The following TSNAX variants were observed in gnomAD, a reference collection of about 807,000 sequenced individuals.
The protein encoded by TSNAX is translin-associated protein X.
A neutral mutation model predicts 33.0 loss-of-function variants in TSNAX; 12 were observed. That is an observed-to-expected ratio of 0.36 (90% CI 0.23 to 0.59). The LOEUF (loss-of-function observed/expected upper bound fraction) is 0.59, where lower values mean the gene tolerates loss of function less well. TSNAX is among the 20% of genes least tolerant of loss of function. The probability of loss-of-function intolerance (pLI) is 0.74; values close to 1 mark genes in which losing one functional copy is unlikely to be tolerated. For synonymous variants in TSNAX, 110 were observed against 117.2 expected, an observed-to-expected ratio of 0.94 and a Z score of 0.40; for missense variants, 267 against 341.3, an observed-to-expected ratio of 0.78 and a Z score of 1.72.
chr1:231,560,179 C>T (rs971678909), intron 4 of TSNAX, among the ~76,000 whole-genome samples: 8 of 151,408 alleles, frequency 5.3e-5, no homozygotes, highest in Non-Finnish European at 1.2e-4. Context: ...TGTGGTTTCA[C>T]CATGTTAGCC....
rs138608882 is a variant in TSNAX at position 231,551,554 on chromosome 1, T to C, written c.367+8943T>C. 9.3e-3 allele frequency among the ~76,000 whole-genome samples: 1,421 copies of C among 152,262 alleles called. 29 individuals carry two copies. The highest frequency in any genetic ancestry group is 0.032 in the African/African-American group (1,321 of 41,566). On this transcript the variant is annotated intron_variant, in intron 4 of 5. Coordinates refer to ENST00000366639, the MANE Select transcript of TSNAX (RefSeq NM_005999.3). ...TTAACAAATGTTCATTCCTGACCTT[T>C]CTTGAATTTAGCAAAATTAATCTAT...
chr1:231,538,564 T>C (rs548908898), intron 3 of TSNAX, among the ~76,000 whole-genome samples: 1 of 152,376 alleles, frequency 6.6e-6, no homozygotes, highest in African/African-American at 2.4e-5. Flanking sequence ...TTACGTGTTT[T>C]AGTCCAGCTT....
intron 4 of TSNAX, among the ~76,000 whole-genome samples, chr1:231,554,921 G>A (rs184575309): frequency 1.1e-3 from 162 of 152,284 alleles, no homozygotes; most frequent in Non-Finnish European, 2.0e-3. Flanking sequence ...ATTAAGGATA[G>A]TAATAGTCAC....
rs199648509 is a variant in TSNAX, at chr1:231,549,583, G to A, written c.367+6972G>A. Among the ~76,000 whole-genome samples the A allele has an allele frequency of 9.2e-5, 14 of 152,340 alleles. No individual in the cohort carries two copies. In the South Asian group the frequency reaches 2.7e-3, roughly 29 times the overall value. On this transcript the variant is annotated intron_variant, in intron 4 of 5. Coordinates refer to ENST00000366639, the MANE Select transcript of TSNAX (RefSeq NM_005999.3). ...GCAATAGGAATGAATGAGGCAGAAA[G>A]TTAGATTAATTCATGGTTTGGGTCG...
chr1:231,542,614 A>G lies in TSNAX; in HGVS notation c.367+3A>G. ...GTTCCATCGAGCCATTACTACAGGT[A>G]AGTCTAGGTTTGTTTCAGGGTAATA... On this transcript the variant is annotated splice_donor_region_variant and intron_variant, in intron 4 of 5. Coordinates refer to ENST00000366639, the MANE Select transcript of TSNAX (RefSeq NM_005999.3). The G allele has an allele frequency of 6.2e-7, 1 of 1,613,398 alleles. No individual in the cohort carries two copies. Among genetic ancestry groups the G allele is most frequent in the Non-Finnish European group, 8.5e-7 (1 of 1,179,670 alleles).
rs953853092 is a variant in TSNAX at position 231,559,621 on chromosome 1, G to A, written c.368-1507G>A. ...GGGATTACAGGTGTGAGCCACCGGC[G>A]CCCGGCCAGAAAGTAGTTGTTTTAA... On this transcript the variant is annotated intron_variant, in intron 4 of 5. Transcript: ENST00000366639. 2.6e-5 allele frequency among the ~76,000 whole-genome samples: 4 copies of A among 152,026 alleles called. No homozygotes were observed. The South Asian group carries it at 6.2e-4, about 24-fold the overall frequency.
At chr1:231,551,357 G>C (rs912384649) in intron 4 of TSNAX, among the ~76,000 whole-genome samples, 2 of 152,084 alleles carry the variant, frequency 1.3e-5, no homozygotes, top group Non-Finnish European at 2.9e-5. Context: ...CATCAGACCT[G>C]GGCTTTTATG....
intron 4 of TSNAX, among the ~76,000 whole-genome samples, chr1:231,543,834 G>C (rs1266002488): frequency 2.0e-5 from 3 of 152,048 alleles, no homozygotes; most frequent in African/African-American, 7.2e-5. Context: ...ATTAATATCA[G>C]GGGTTTATTT....
At chr1:231,546,030 CAT>C (rs1659892513) in intron 4 of TSNAX, among the ~76,000 whole-genome samples, 1 of 152,144 alleles carries the variant, frequency 6.6e-6, no homozygotes, top group Non-Finnish European at 1.5e-5. Context: ...AGGTTTTCCT[CAT>C]AAACCCAGCA....
chr1:231,543,868 A>G (rs1659733777), intron 4 of TSNAX, among the ~76,000 whole-genome samples: 4 of 152,206 alleles, frequency 2.6e-5, no homozygotes, highest in Admixed American at 2.6e-4. Context: ...TAGCACACAC[A>G]ATAAAGATGA....
At chr1:231,541,161 T>C (rs1659548587) in intron 3 of TSNAX, among the ~76,000 whole-genome samples, 1 of 152,206 alleles carries the variant, frequency 6.6e-6, no homozygotes, top group African/African-American at 2.4e-5. Flanking sequence ...TTTTGGATAA[T>C]TTTTTATGAT....
chr1:231,528,746 CCTCGCGCACTCCTCTTG>C lies in TSNAX; in HGVS notation c.-61_-45del, dbSNP rs920070422. ...TTTTCCCAGGTTCCCTCGGCCTGTACCTCGCGCACTCCTCTTGCTCCAGGTCCTTCAGTCTCCGCTCG... is the reference window on the plus strand; with the variant it reads ...TTTTCCCAGGTTCCCTCGGCCTGTACCTCCAGGTCCTTCAGTCTCCGCTCG... On this transcript the variant is annotated 5_prime_UTR_variant, in exon 1 of 6. Coordinates refer to ENST00000366639, the MANE Select transcript of TSNAX (RefSeq NM_005999.3). The C allele has an allele frequency of 6.2e-7, 1 of 1,606,020 alleles. No homozygotes were observed. The highest frequency in any genetic ancestry group is 1.7e-5 in the Admixed American group (1 of 59,938).
At chr1:231,529,157 G>A in intron 1 of TSNAX, 98 bp from the exon 2 acceptor site, 2 of 1,231,574 alleles carry the variant, frequency 1.6e-6, no homozygotes, top group East Asian at 2.4e-5. Flanking sequence ...GGGCCCTGTG[G>A]GTATCTGGTT....
chr1:231,546,398 G>A (rs569081199), intron 4 of TSNAX, among the ~76,000 whole-genome samples: 9 of 152,246 alleles, frequency 5.9e-5, no homozygotes, highest in Non-Finnish European at 1.5e-5. Context: ...AGCAGGAATA[G>A]GATCAATATT....
chr1:231,564,398 G>C, intron 5 of TSNAX, 130 bp from the exon 6 acceptor site: 2 of 1,463,138 alleles, frequency 1.4e-6, no homozygotes, highest in Non-Finnish European at 1.8e-6. Context: ...GAAAAAATTA[G>C]TATGACTGAT....
chr1:231,540,094 AACT>A (rs1659469616), intron 3 of TSNAX, among the ~76,000 whole-genome samples: 2 of 150,930 alleles, frequency 1.3e-5, no homozygotes, highest in Non-Finnish European at 2.9e-5. Context: ...GAATTGCTTG[AACT>A]CAGGAAGCGG....
rs777348936 is a variant in TSNAX, at chr1:231,542,562, A to G, written c.318A>G (p.Gln106=). 27 of 1,613,950 alleles carry G rather than the reference A, an allele frequency of 1.7e-5. No individual in the cohort carries two copies. In the South Asian group the frequency reaches 2.3e-4, roughly 14 times the overall value. Residue 106 remains glutamine, a synonymous_variant, in exon 4 of 6, where the codon CAA becomes CAG. Coordinates refer to ENST00000366639, the MANE Select transcript of TSNAX (RefSeq NM_005999.3). The part of the protein sequence containing the change: ...GVRQKIFQVA[Q]ELSGEDMHQF... ...GACAAAAGATATTCCAGGTAGCCCA[A>G]GAGCTATCAGGGGAAGATATGCATC... is the stretch of plus-strand genomic sequence containing the variant.
Position 231,558,049 on chromosome 1 carries a change from G to C in TSNAX, c.368-3079G>C, listed in dbSNP as rs575174621. On this transcript the variant is annotated intron_variant, in intron 4 of 5. Transcript: ENST00000366639. ...AGCACCCAAGGAACTAAATTTGGCAGAACCCAACCCTCACCCTTCACAGGA... is the reference window on the plus strand; with the variant it reads ...AGCACCCAAGGAACTAAATTTGGCACAACCCAACCCTCACCCTTCACAGGA... 2.0e-5 allele frequency among the ~76,000 whole-genome samples: 3 copies of C among 152,214 alleles called. No homozygotes were observed. In the East Asian group the frequency reaches 5.8e-4, roughly 29 times the overall value.
intron 2 of TSNAX, chr1:231,535,483 T>TA (rs1236060585): frequency 2.0e-5 from 3 of 152,176 alleles, no homozygotes; most frequent in Non-Finnish European, 2.9e-5. Context: ...GCTTGTTCTT[T>TA]AAAAAAACTT....
Sources: allele counts gnomAD v4.1 joint callset (sites outside exome capture counted in the v4.1 genomes callset), GRCh38; gene constraint gnomAD v4.1.1; transcripts MANE v1.5; gene names NCBI Gene and HGNC (gene_info 2026-07-23, HGNC 2026-07-21).